Variants in ANKRD11 observed in about 807,000 individuals in gnomAD.
The protein encoded by ANKRD11 is ankyrin repeat domain 11.
In ANKRD11, 17 loss-of-function variants were observed where a neutral mutation model predicts 195.7. The ratio of observed to expected loss-of-function variants is 0.09; its 90% CI spans 0.06 to 0.13. The LOEUF (loss-of-function observed/expected upper bound fraction) is 0.13. Among genes scored for constraint, ANKRD11 ranks in the 10% least tolerant of loss-of-function variants. ANKRD11 has a pLI of 1.00. For missense variants in ANKRD11, 3,735 were observed against 3,566.1 expected, an observed-to-expected ratio of 1.05 and a Z score of -1.21; for synonymous variants, 1,953 against 1,528.1, an observed-to-expected ratio of 1.28 and a Z score of -6.49.
At chr16:89,480,958 A>G (rs533960244) in intron 1 of ANKRD11, among the ~76,000 whole-genome samples, 44 of 152,224 alleles carry the variant, frequency 2.9e-4, no homozygotes, top group African/African-American at 1.1e-3. Flanking sequence ...TGACGTCCAC[A>G]TCTGTCAAAT....
chr16:89,300,462 G>T, intron 4 of ANKRD11: 1 of 197,924 alleles, frequency 5.1e-6, no homozygotes, highest in Non-Finnish European at 1.0e-5. Context: ...CCGCCTGCGA[G>T]CACAGCCTGG....
intron 2 of ANKRD11, among the ~76,000 whole-genome samples, chr16:89,345,441 T>TTCCTC (rs1260920742): frequency 6.6e-6 from 1 of 152,178 alleles, no homozygotes; most frequent in Non-Finnish European, 1.5e-5. Flanking sequence ...GTCCCGTCCA[T>TTCCTC]TCCTCTGTCC....
At chr16:89,435,990 C>T (rs1463465147) in intron 1 of ANKRD11, among the ~76,000 whole-genome samples, 1 of 152,220 alleles carries the variant, frequency 6.6e-6, no homozygotes, top group African/African-American at 2.4e-5. Context: ...CGCCCACCAG[C>T]CCAGCAGGTG....
chr16:89,481,217 C>A (rs953307291), intron 1 of ANKRD11, among the ~76,000 whole-genome samples: 1 of 152,166 alleles, frequency 6.6e-6, no homozygotes, highest in Non-Finnish European at 1.5e-5. Flanking sequence ...AATTCACCTA[C>A]ACAGTGTGCT....
At chr16:89,314,061 A>C (rs775674946) in intron 3 of ANKRD11, among the ~76,000 whole-genome samples, 2 of 152,178 alleles carry the variant, frequency 1.3e-5, no homozygotes, top group Non-Finnish European at 2.9e-5. Flanking sequence ...TCGTCTCTAC[A>C]AAAGATACAA....
intron 1 of ANKRD11, among the ~76,000 whole-genome samples, chr16:89,425,522 C>T (rs1449701527): frequency 6.6e-6 from 1 of 152,192 alleles, no homozygotes; most frequent in East Asian, 1.9e-4. Context: ...GTGCCAGGAG[C>T]CCCACAATCC....
chr16:89,284,692 C>A lies in ANKRD11; in HGVS notation c.1850G>T (p.Gly617Val), dbSNP rs749212770. Residue 617 changes from glycine to valine, a missense_variant, in exon 9 of 13, where the codon GGC (glycine) becomes GTC (valine). Transcript: ENST00000301030. ...CTCCTTGTCCAGTTTGGGGACAGCG[C>A]CCTCCGCGCTGGACAGGAAGGGGCT... ...KKSPFLSSAE[G>V]AVPKLDKEGK... 1.9e-6 allele frequency: 3 copies of A among 1,613,972 alleles called. No homozygotes were observed. In the South Asian group the frequency reaches 3.3e-5, roughly 18 times the overall value.
chr16:89,296,065 C>T, intron 4 of ANKRD11, among the ~76,000 whole-genome samples: 2 of 137,492 alleles, frequency 1.5e-5, no homozygotes. Context: ...CTCAGCTCAC[C>T]GCAGCCTCCA....
At chr16:89,294,730 C>G (rs1022051387) in intron 4 of ANKRD11, among the ~76,000 whole-genome samples, 1 of 152,202 alleles carries the variant, frequency 6.6e-6, no homozygotes, top group East Asian at 1.9e-4. Flanking sequence ...GTACCTGTAC[C>G]TGCACTGTCA....
At position 89,279,861 on chromosome 16, in the gene ANKRD11, C is replaced by T. The variant is rs761444335; in HGVS notation, c.6681G>A (p.Pro2227=). Residue 2227 remains proline (P), a synonymous_variant, in exon 9 of 13, where the codon CCG becomes CCA. Transcript: ENST00000301030. This position sits in a 1 kb window ranked among gnomAD's most constrained non-coding sequence, Gnocchi z 5.6. ...LEAAVEAETV[P]EERARGDPDS... is the part of the protein sequence containing the mutation. ...CCGGATCCCCACGGGCCCTCTCTTC[C>T]GGCACCGTCTCCGCCTCCACCGCAG... The T allele has an allele frequency of 7.7e-6, 12 of 1,557,508 alleles. No homozygotes were observed. In the East Asian group the frequency reaches 1.7e-4, roughly 22 times the overall value.
chr16:89,441,204 C>G (rs553896394), intron 1 of ANKRD11, among the ~76,000 whole-genome samples: 57 of 152,082 alleles, frequency 3.7e-4, no homozygotes, highest in Middle Eastern at 3.4e-3. Context: ...CCACTGCACT[C>G]CAGCCTGGGC....
At position 89,280,921 on chromosome 16, in the gene ANKRD11, G is replaced by A. The variant is rs766427805; in HGVS notation, c.5621C>T (p.Thr1874Ile). 3 of 1,597,154 alleles carry A rather than the reference G, an allele frequency of 1.9e-6. No individual in the cohort carries two copies. The highest frequency in any genetic ancestry group is 2.2e-5 in the South Asian group (2 of 89,690). The change falls in exon 9 of 13, where the codon ACT (threonine) becomes ATT (isoleucine). Residue 1874 changes from threonine (T) to isoleucine (I), a missense_variant. Coordinates refer to ENST00000301030, the MANE Select transcript of ANKRD11 (RefSeq NM_013275.6). ...ALHCPPAAVVTVTPSPEGVFS... is the reference protein window; with the variant it reads ...ALHCPPAAVVIVTPSPEGVFS... The stretch of plus-strand genomic sequence containing the variant: ...GACGCCCTCTGGAGACGGGGTGACA[G>A]TGACAACGGCAGCCGGTGGGCAGTG...
intron 12 of ANKRD11, 21 bp from the exon 13 acceptor site, chr16:89,268,684 AGAG>A (rs895613597): frequency 2.2e-5 from 35 of 1,571,058 alleles, no homozygotes; most frequent in Non-Finnish European, 2.6e-5. Context: ...CACAGCGGGG[AGAG>A]GAGGGAGGAG....
chr16:89,303,562 C>A (rs1172494140), intron 4 of ANKRD11, among the ~76,000 whole-genome samples: 1 of 152,214 alleles, frequency 6.6e-6, no homozygotes, highest in Non-Finnish European at 1.5e-5. Flanking sequence ...GTCCCTGCAG[C>A]CTTCCTGTCC....
intron 2 of ANKRD11, among the ~76,000 whole-genome samples, chr16:89,340,613 AG>A (rs1171232225): frequency 6.6e-6 from 1 of 152,238 alleles, no homozygotes; most frequent in African/African-American, 2.4e-5. Flanking sequence ...TGGTTAGACA[AG>A]GGGAAACAGT....
chr16:89,424,882 C>A (rs1438474345), intron 1 of ANKRD11, among the ~76,000 whole-genome samples: 1 of 152,146 alleles, frequency 6.6e-6, no homozygotes, highest in Non-Finnish European at 1.5e-5. Flanking sequence ...CAATCTCTCT[C>A]TCTAACACAC....
rs1178625833 is a variant in ANKRD11 at position 89,284,802 on chromosome 16, G to A, written c.1740C>T (p.Ser580=). ...RTRLTSESDY[S]SEGSSVESLK... ...GCGATTCCACACTGGAGCCCTCAGA[G>A]GAGTAGTCAGACTCGCTTGTCAGTC... Residue 580 remains serine, a synonymous_variant, in exon 9 of 13, where the codon TCC becomes TCT. Transcript: ENST00000301030. 1 of 1,613,732 alleles carries A rather than the reference G, an allele frequency of 6.2e-7. No homozygotes were observed. Among genetic ancestry groups the A allele is most frequent in the South Asian group, 1.1e-5 (1 of 91,058 alleles).
chr16:89,316,493 A>C (rs2036965929), intron 3 of ANKRD11, among the ~76,000 whole-genome samples: 1 of 152,236 alleles, frequency 6.6e-6, no homozygotes, highest in Admixed American at 6.5e-5. Flanking sequence ...CGTTAACCGC[A>C]CATTAATAAA....
At chr16:89,313,557 A>C in intron 3 of ANKRD11, 1 of 1,289,194 alleles carries the variant, frequency 7.8e-7, no homozygotes, top group South Asian at 1.2e-5. Flanking sequence ...TTCCACGTAT[A>C]TGTCACTGAG....
Sources: gnomAD v4.1 joint callset for allele counts (sites outside exome capture counted in the v4.1 genomes callset) on GRCh38, gnomAD v4.1.1 for gene constraint, Gnocchi (gnomAD v3.1) non-coding constraint, MANE v1.5 for transcripts, NCBI Gene and HGNC (gene_info 2026-07-23, HGNC 2026-07-21) for gene names.